SH3BGR: variants seen among roughly 807,000 people sequenced by gnomAD.
SH3BGR encodes the protein SH3 domain binding glutamate rich protein, also known as SH3 domain-binding glutamic acid-rich protein.
Under a neutral mutation model 24.5 loss-of-function variants are expected in SH3BGR, and 29 were observed. The observed-to-expected ratio is 1.18, with a 90% CI of 0.88 to 1.61. The LOEUF (loss-of-function observed/expected upper bound fraction) is 1.61, where lower values mean the gene tolerates loss of function less well. Among genes scored for constraint, SH3BGR ranks in the 40% most tolerant of loss-of-function variants. The pLI, the probability that SH3BGR is intolerant of heterozygous loss-of-function variation, is 0.00. For missense variants in SH3BGR, 162 were observed against 205.8 expected, an observed-to-expected ratio of 0.79 and a Z score of 1.30; for synonymous variants, 55 against 65.7, an observed-to-expected ratio of 0.84 and a Z score of 0.79.
intron 4 of SH3BGR, among the ~76,000 whole-genome samples, chr21:39,504,912 G>A (rs894775159): frequency 2.6e-5 from 4 of 152,024 alleles, no homozygotes; most frequent in African/African-American, 4.8e-5. Flanking sequence ...TAGTGGGCTC[G>A]AGTGATTCTT....
At chr21:39,494,152 A>G (rs1342120349) in intron 3 of SH3BGR, among the ~76,000 whole-genome samples, 2 of 152,024 alleles carry the variant, frequency 1.3e-5, no homozygotes, top group Admixed American at 1.3e-4. Flanking sequence ...CCCATCCTTT[A>G]TGCTATACGA....
At chr21:39,474,800 T>A (rs1392233011) in intron 2 of SH3BGR, among the ~76,000 whole-genome samples, 1 of 152,152 alleles carries the variant, frequency 6.6e-6, no homozygotes, top group Non-Finnish European at 1.5e-5. Context: ...AGGGCCAGAT[T>A]ATAAGTAAAC....
At chr21:39,464,090 A>C (rs1212156962) in intron 2 of SH3BGR, among the ~76,000 whole-genome samples, 3 of 152,140 alleles carry the variant, frequency 2.0e-5, no homozygotes, top group African/African-American at 7.2e-5. Context: ...CCTCATCCTC[A>C]CATGGAGTGT....
chr21:39,502,087 C>T (rs2078504259), intron 4 of SH3BGR, among the ~76,000 whole-genome samples: 2 of 152,168 alleles, frequency 1.3e-5, no homozygotes, highest in African/African-American at 4.8e-5. Flanking sequence ...GTGGGAGGAT[C>T]GCTTGAACCC....
At chr21:39,467,825 C>T (rs1602092761) in intron 2 of SH3BGR, among the ~76,000 whole-genome samples, 1 of 152,272 alleles carries the variant, frequency 6.6e-6, no homozygotes, top group South Asian at 2.1e-4. Context: ...TCAGTGCCTT[C>T]CTGCCCCTGC....
upstream of SH3BGR, among the ~76,000 whole-genome samples, chr21:39,450,882 C>T (rs945064138): frequency 3.9e-5 from 6 of 152,130 alleles, no homozygotes; most frequent in African/African-American, 7.2e-5. Flanking sequence ...TCACTGCAGC[C>T]TCAAACTCCT....
intron 1 of SH3BGR, 40 bp from the exon 2 acceptor site, chr21:39,462,334 AT>A (rs2077768515): frequency 6.7e-7 from 1 of 1,483,150 alleles, no homozygotes; most frequent in Admixed American, 2.3e-5. Flanking sequence ...TAAGCAAAAT[AT>A]TTTTCATAAA....
At chr21:39,489,610 C>A (rs1488320894) in intron 3 of SH3BGR, among the ~76,000 whole-genome samples, 6 of 152,234 alleles carry the variant, frequency 3.9e-5, no homozygotes, top group African/African-American at 1.2e-4. Flanking sequence ...GGTATTCTTA[C>A]TCCAGAGGGA....
intron 4 of SH3BGR, among the ~76,000 whole-genome samples, chr21:39,506,820 T>G (rs1280293405): frequency 6.6e-6 from 1 of 152,056 alleles, no homozygotes; most frequent in Non-Finnish European, 1.5e-5. Context: ...TTTCTAAAGA[T>G]GAGGGTAGTA....
chr21:39,465,965 A>T (rs566048160), intron 2 of SH3BGR, among the ~76,000 whole-genome samples: 6 of 152,310 alleles, frequency 3.9e-5, no homozygotes, highest in Non-Finnish European at 8.8e-5. Context: ...AATGAAAAAC[A>T]TTCAGGTTGT....
chr21:39,456,238 G>T (rs1306706840), intron 1 of SH3BGR, among the ~76,000 whole-genome samples: 1 of 152,204 alleles, frequency 6.6e-6, no homozygotes, highest in Admixed American at 6.5e-5. Flanking sequence ...TATCTTAGAA[G>T]GCTTTGGAGA....
intron 3 of SH3BGR, among the ~76,000 whole-genome samples, chr21:39,486,343 TATAAAC>T (rs1392408226): frequency 6.6e-6 from 1 of 152,208 alleles, no homozygotes; most frequent in Non-Finnish European, 1.5e-5. Context: ...ACAAATTACT[TATAAAC>T]ATAATCATTA....
intron 3 of SH3BGR, among the ~76,000 whole-genome samples, chr21:39,492,588 G>A (rs1224480731): frequency 6.6e-6 from 1 of 151,964 alleles, no homozygotes; most frequent in East Asian, 1.9e-4. Context: ...ATAAATGTGT[G>A]TGCAAGTATC....
Position 39,452,557 on chromosome 21 carries a change from G to T in SH3BGR, c.45+416G>T, listed in dbSNP as rs141826185. Among the ~76,000 whole-genome samples the T allele has an allele frequency of 3.9e-3, 591 of 152,296 alleles. 3 individuals are homozygous for T. The highest frequency in any genetic ancestry group is 0.014 in the African/African-American group (577 of 41,564). On this transcript the variant is annotated intron_variant, in intron 1 of 6. Coordinates refer to ENST00000333634, the MANE Select transcript of SH3BGR (RefSeq NM_007341.3). ...GGATGATGAACCAGATTGCTAAAAT[G>T]ACTCTGGGGTGTAATCACTTGTATA...
chr21:39,489,698 A>G (rs1017578253), intron 3 of SH3BGR, among the ~76,000 whole-genome samples: 1 of 152,198 alleles, frequency 6.6e-6, no homozygotes, highest in African/African-American at 2.4e-5. Flanking sequence ...TGTTAAAGCT[A>G]TTAGGTTGGT....
At position 39,452,053 on chromosome 21, in the gene SH3BGR, C is replaced by T. The variant is rs2077582743; in HGVS notation, c.-44C>T. 6.2e-7 allele frequency: 1 copy of T among 1,614,064 alleles called. No homozygotes were observed. ...CAGGATTTGTCTAGCGGCGCATTCC[C>T]TGACAGGGGTGTGTTGGGGGGAGTC... On this transcript the variant is annotated 5_prime_UTR_variant, in exon 1 of 7. Transcript: ENST00000333634.
intron 1 of SH3BGR, among the ~76,000 whole-genome samples, chr21:39,460,073 A>G (rs372098156): frequency 8.5e-5 from 13 of 152,328 alleles, no homozygotes; most frequent in East Asian, 7.7e-4. Context: ...TTGGTAAGAA[A>G]TGGCTACTGG....
chr21:39,509,674 C>G (rs1203747843), intron 5 of SH3BGR, among the ~76,000 whole-genome samples: 1 of 151,744 alleles, frequency 6.6e-6, no homozygotes, highest in East Asian at 1.9e-4. Flanking sequence ...GGGATTTCAC[C>G]ATGTTGGCCA....
chr21:39,488,924 A>G (rs1236600828), intron 3 of SH3BGR, among the ~76,000 whole-genome samples: 2 of 152,138 alleles, frequency 1.3e-5, no homozygotes. Context: ...GCTTGCCATG[A>G]GCATTCACCA....
Sources: gnomAD v4.1 joint callset for allele counts (sites outside exome capture counted in the v4.1 genomes callset) on GRCh38, gnomAD v4.1.1 for gene constraint, MANE v1.5 for transcripts, NCBI Gene and HGNC (gene_info 2026-07-23, HGNC 2026-07-21) for gene names.